Variants in DPP10 observed in about 807,000 individuals in gnomAD.
DPP10 encodes inactive dipeptidyl peptidase 10.
Under a neutral mutation model 120.9 loss-of-function variants are expected in DPP10, and 33 were observed. That is an observed-to-expected ratio of 0.27 (90% CI 0.21 to 0.37). DPP10 has a LOEUF of 0.37. Ranked by LOEUF, DPP10 falls within the 10% of genes least tolerant of loss-of-function variation. DPP10 has a pLI of 1.00. For missense variants in DPP10, 816 were observed against 942.8 expected, an observed-to-expected ratio of 0.87 and a Z score of 1.76; for synonymous variants, 337 against 326.1, an observed-to-expected ratio of 1.03 and a Z score of -0.36.
chr2:114,581,581 T>C (rs1573712944), intron 1 of DPP10, among the ~76,000 whole-genome samples: 1 of 152,336 alleles, frequency 6.6e-6, no homozygotes, highest in Admixed American at 6.5e-5. Flanking sequence ...GCCAGGTTTT[T>C]CTGTGTTAAG....
intron 3 of DPP10, among the ~76,000 whole-genome samples, chr2:115,418,231 A>C (rs1231782377): frequency 6.6e-6 from 1 of 152,194 alleles, no homozygotes; most frequent in African/African-American, 2.4e-5. Flanking sequence ...CCAGCTAAAA[A>C]GGAGAATGTA....
At chr2:115,456,674 G>C (rs551140909) in intron 3 of DPP10, among the ~76,000 whole-genome samples, 1 of 152,060 alleles carries the variant, frequency 6.6e-6, no homozygotes, top group African/African-American at 2.4e-5. Flanking sequence ...CATGGATGAA[G>C]CTGGAAACCA....
rs967395571 is a variant in DPP10 at position 114,584,395 on chromosome 2, T to C, written c.60+141557T>C. 1.2e-4 allele frequency among the ~76,000 whole-genome samples: 18 copies of C among 152,152 alleles called. No individual in the cohort carries two copies. The East Asian group carries it at 3.5e-3, about 29-fold the overall frequency. On this transcript the variant is annotated intron_variant, in intron 1 of 25. Coordinates refer to ENST00000410059, the MANE Select transcript of DPP10 (RefSeq NM_020868.6). ...TTACATACCTTTATTTATTTGTTTA[T>C]TTATTTATTATTATTATACTTTAAG...
chr2:114,876,056 A>G (rs1261050734), intron 1 of DPP10, among the ~76,000 whole-genome samples: 1 of 152,140 alleles, frequency 6.6e-6, no homozygotes, highest in East Asian at 1.9e-4. Context: ...GATAAAGTAA[A>G]TGACTGTTCA....
intron 1 of DPP10, among the ~76,000 whole-genome samples, chr2:114,697,632 C>A (rs1700142698): frequency 6.6e-6 from 1 of 151,840 alleles, no homozygotes. Flanking sequence ...CACTTGTAAT[C>A]CCAGCTACTT....
At chr2:115,519,352 C>G (rs2077672706) in intron 4 of DPP10, among the ~76,000 whole-genome samples, 2 of 152,024 alleles carry the variant, frequency 1.3e-5, no homozygotes, top group South Asian at 4.1e-4. Context: ...GTAGTTGTAT[C>G]ATGGCATTTT....
intron 1 of DPP10, among the ~76,000 whole-genome samples, chr2:114,649,432 T>C (rs921609715): frequency 4.6e-5 from 7 of 151,062 alleles, no homozygotes; most frequent in African/African-American, 1.7e-4. Context: ...CACTGCAACC[T>C]CCGCCTCCCG....
intron 5 of DPP10, among the ~76,000 whole-genome samples, chr2:115,586,984 A>G (rs1440473821): frequency 6.6e-6 from 1 of 152,098 alleles, no homozygotes; most frequent in Non-Finnish European, 1.5e-5. Context: ...TCACACATTC[A>G]CTAGCAGCCA....
chr2:115,392,838 C>A (rs769115342), intron 3 of DPP10, among the ~76,000 whole-genome samples: 1 of 151,806 alleles, frequency 6.6e-6, no homozygotes, highest in Non-Finnish European at 1.5e-5. Flanking sequence ...ATTATTTTTT[C>A]TTTCTATGAA....
chr2:115,393,411 T>C (rs2067457395), intron 3 of DPP10, among the ~76,000 whole-genome samples: 1 of 152,184 alleles, frequency 6.6e-6, no homozygotes, highest in Non-Finnish European at 1.5e-5. Flanking sequence ...TATCAAAGTC[T>C]GAATGACCAT....
chr2:114,550,949 C>T (rs1454164301), intron 1 of DPP10, among the ~76,000 whole-genome samples: 1 of 152,174 alleles, frequency 6.6e-6, no homozygotes, highest in East Asian at 1.9e-4. Flanking sequence ...TAGAGGTAAA[C>T]AGAGTTCTTC....
At chr2:115,479,009 A>C (rs1480336107) in intron 3 of DPP10, among the ~76,000 whole-genome samples, 2 of 152,190 alleles carry the variant, frequency 1.3e-5, no homozygotes, top group Admixed American at 6.5e-5. Flanking sequence ...TCCTCACAAA[A>C]TTAAATGCAG....
chr2:115,052,123 G>A (rs897301650), intron 1 of DPP10, among the ~76,000 whole-genome samples: 1 of 151,988 alleles, frequency 6.6e-6, no homozygotes, highest in African/African-American at 2.4e-5. Context: ...ATATAATATC[G>A]AAAAGAAAAA....
intron 1 of DPP10, among the ~76,000 whole-genome samples, chr2:114,596,006 C>T (rs547030118): frequency 6.6e-5 from 10 of 152,150 alleles, no homozygotes; most frequent in East Asian, 1.9e-4. Context: ...TGAAGCTCCT[C>T]GGTATTTTGA....
intron 1 of DPP10, among the ~76,000 whole-genome samples, chr2:114,511,047 G>T (rs1684104532): frequency 6.6e-6 from 1 of 152,126 alleles, no homozygotes; most frequent in South Asian, 2.1e-4. Flanking sequence ...CCTAGTGAAT[G>T]GTCTCTTCTG....
At chr2:115,796,687 T>G (rs941265756) in intron 19 of DPP10, among the ~76,000 whole-genome samples, 1 of 152,094 alleles carries the variant, frequency 6.6e-6, no homozygotes, top group Admixed American at 6.6e-5. Context: ...TTTTTACAAT[T>G]TTTTTACTTA....
intron 24 of DPP10, among the ~76,000 whole-genome samples, chr2:115,837,081 TA>T (rs986621753): frequency 1.1e-4 from 17 of 152,304 alleles, no homozygotes; most frequent in African/African-American, 4.1e-4. Flanking sequence ...AATTTTAATT[TA>T]AAAAGGCACT....
chr2:115,140,901 T>A (rs1357436342), intron 1 of DPP10, among the ~76,000 whole-genome samples: 1 of 139,208 alleles, frequency 7.2e-6, no homozygotes, highest in East Asian at 2.1e-4. Context: ...CGTGGACAGA[T>A]CAAAAGATGT....
At chr2:114,863,872 A>G (rs1463396556) in intron 1 of DPP10, among the ~76,000 whole-genome samples, 1 of 152,142 alleles carries the variant, frequency 6.6e-6, no homozygotes, top group South Asian at 2.1e-4. Flanking sequence ...TGAATGAATA[A>G]TTTGATAAAC....
Sources: allele counts gnomAD v4.1 joint callset (sites outside exome capture counted in the v4.1 genomes callset), GRCh38; gene constraint gnomAD v4.1.1; transcripts MANE v1.5; gene names NCBI Gene and HGNC (gene_info 2026-07-23, HGNC 2026-07-21).